Variants in COL2A1 observed in about 807,000 individuals in gnomAD.
COL2A1 encodes the protein collagen type II alpha 1 chain, also known as collagen alpha-1(II) chain.
In COL2A1, 28 loss-of-function variants were observed where a neutral mutation model predicts 204.5. That is an observed-to-expected ratio of 0.14 (90% CI 0.10 to 0.19). COL2A1 has a LOEUF of 0.19. COL2A1 is among the 10% of genes least tolerant of loss of function. The pLI, the probability that COL2A1 is intolerant of heterozygous loss-of-function variation, is 1.00. For missense variants in COL2A1, 1,388 were observed against 2,027.5 expected (o/e 0.68, Z 6.06); for synonymous variants, 708 against 718.7 (o/e 0.99, Z 0.24).
At chr12:48,005,118 C>T (rs1369247225), upstream of COL2A1, among the ~76,000 whole-genome samples, 1 of 152,258 alleles carries the variant, frequency 6.6e-6, no homozygotes, top group African/African-American at 2.4e-5. Context: ...GCCCTCCACC[C>T]CTCCCCCATC....
In COL2A1 at chr12:47,980,684, G is replaced by A; in HGVS notation, c.2518-23C>T. ...ACCCTATAATGGGAAGGAGGAAGCA[G>A]GTGAATGAGGGGCAGGCTAAAACCC... On this transcript the variant is annotated intron_variant, in intron 38 of 53. Transcript: ENST00000380518. The surrounding 1 kb of genome is among the most constrained non-coding windows in gnomAD (Gnocchi z 4.5). 6.3e-7 allele frequency: 1 copy of A among 1,596,842 alleles called. No individual in the cohort carries two copies. Among genetic ancestry groups the A allele is most frequent in the Non-Finnish European group, 8.5e-7 (1 of 1,169,722 alleles).
chr12:47,982,689 G>A (rs1048394112), intron 33 of COL2A1, 80 bp from the exon 34 acceptor site: 3 of 1,298,494 alleles, frequency 2.3e-6, no homozygotes, highest in Admixed American at 1.8e-5. Context: ...GGGTAACCAG[G>A]GCCCCAAACC....
chr12:47,984,667 G>A, intron 27 of COL2A1, 68 bp from the exon 28 acceptor site: 1 of 1,452,096 alleles, frequency 6.9e-7, no homozygotes, highest in Non-Finnish European at 9.7e-7. Flanking sequence ...AGAGCGGGCT[G>A]CAGGGACTGA....
chr12:48,004,646 C>A (rs954588304), upstream of COL2A1: 1 of 232,162 alleles, frequency 4.3e-6, no homozygotes, highest in African/African-American at 2.3e-5. Flanking sequence ...AAGCCGGACC[C>A]CCCTCTCTGG....
intron 1 of COL2A1, chr12:48,002,580 AGCTCT>A (rs1940282528): frequency 6.6e-6 from 1 of 152,160 alleles, no homozygotes; most frequent in Admixed American, 6.5e-5. Context: ...GCGATGAGAG[AGCTCT>A]ACCGCCTAAT....
At chr12:47,979,669 C>G (rs73297165) in intron 40 of COL2A1, 105 bp from the exon 41 acceptor site, 1 of 918,060 alleles carries the variant, frequency 1.1e-6, no homozygotes, top group Non-Finnish European at 1.8e-6. Context: ...ATGGAAAGGG[C>G]GAGGGACTGC....
At chr12:47,981,020 T>A (rs1428967577) in intron 37 of COL2A1, 52 bp from the exon 38 acceptor site, 2 of 1,522,436 alleles carry the variant, frequency 1.3e-6, no homozygotes, top group Non-Finnish European at 1.8e-6. Flanking sequence ...CCTGACCTGC[T>A]TCTGCTCCCC....
intron 33 of COL2A1, 94 bp from the exon 34 acceptor site, chr12:47,982,703 C>T: frequency 8.1e-7 from 1 of 1,237,586 alleles, no homozygotes; most frequent in South Asian, 1.2e-5. Flanking sequence ...CCAAACCCCT[C>T]TTCCTTCCCT....
At chr12:47,982,986 T>TG in intron 32 of COL2A1, 40 bp from the exon 33 acceptor site, 2 of 1,606,902 alleles carry the variant, frequency 1.2e-6, no homozygotes, top group Non-Finnish European at 1.7e-6. Context: ...CCAACAGCAG[T>TG]GGGGGAGAAG....
At position 47,974,313 on chromosome 12, in the gene COL2A1, T is replaced by C; in HGVS notation, c.4093A>G (p.Asn1365Asp). 1 of 1,614,058 alleles carries C rather than the reference T, an allele frequency of 6.2e-7. No homozygotes were observed. Among genetic ancestry groups the C allele is most frequent in the Non-Finnish European group, 8.5e-7 (1 of 1,180,002 alleles). ...ACGTTGGCAGTGTTGGGAGCCAGAT[T>C]GTCATCTCCATAGCTGAACTGTTGG... ...GGFHFSYGDD[N>D]LAPNTANVQM... The change falls in exon 53 of 54, where the codon AAT (asparagine) becomes GAT (aspartate). Residue 1365 changes from asparagine to aspartate, a missense_variant. Around this residue, in one of 3 missense-constraint regions of COL2A1, gnomAD observed 303 missense variants for 369.2 expected, o/e 0.82. Transcript: ENST00000380518.
chr12:47,993,332 T>G, intron 15 of COL2A1, 126 bp downstream of exon 15: 1 of 813,320 alleles, frequency 1.2e-6, no homozygotes. Context: ...TACATTTTGC[T>G]TTTTGCTCAC....
chr12:47,983,680 T>C lies in COL2A1; in HGVS notation c.1995+3A>G. 1 of 1,598,160 alleles carries C rather than the reference T, an allele frequency of 6.3e-7. No homozygotes were observed. Among genetic ancestry groups the C allele is most frequent in the Non-Finnish European group, 8.5e-7 (1 of 1,172,324 alleles). On this transcript the variant is annotated splice_donor_region_variant and intron_variant, in intron 30 of 53. Transcript: ENST00000380518. ...GCACAGAGAGCCTGGTCCAGCCACC[T>C]ACCTGGAACCCAGATGGCCCAGGAG...
At position 47,984,173 on chromosome 12, in the gene COL2A1, A is replaced by G. The variant is rs557531678; in HGVS notation, c.1888-33T>C. 141 of 1,602,322 alleles carry G rather than the reference A, an allele frequency of 8.8e-5. 2 individuals carry two copies. In the South Asian group the frequency reaches 1.5e-3, roughly 17 times the overall value. ...GAAGAGAAAAAGAAAAGTCAATGAC[A>G]CGCTTTTCTTCCCACTTGCAGTCCC... On this transcript the variant is annotated intron_variant, in intron 28 of 53. Coordinates refer to ENST00000380518, the MANE Select transcript of COL2A1 (RefSeq NM_001844.5).
Position 47,978,144 on chromosome 12 carries a change from A to G in COL2A1, c.3004-27T>C. The G allele has an allele frequency of 6.2e-7, 1 of 1,604,642 alleles. No homozygotes were observed. Among genetic ancestry groups the G allele is most frequent in the South Asian group, 1.1e-5 (1 of 89,942 alleles). Reference sequence around the variant, plus strand: ...TGGAGGGACAGAGACAAGGATGATGAGTGCAAGTGGTAAGCACCCCTGCCC... The same window carrying G: ...TGGAGGGACAGAGACAAGGATGATGGGTGCAAGTGGTAAGCACCCCTGCCC... On this transcript the variant is annotated intron_variant, in intron 43 of 53. Coordinates refer to ENST00000380518, the MANE Select transcript of COL2A1 (RefSeq NM_001844.5). This position sits in a 1 kb window ranked among gnomAD's most constrained non-coding sequence, Gnocchi z 5.5.
intron 2 of COL2A1, 148 bp from the exon 3 acceptor site, chr12:47,998,579 C>G (rs867951729): frequency 1.2e-5 from 10 of 816,702 alleles, no homozygotes; most frequent in Middle Eastern, 2.3e-4. Context: ...CACTGAACCC[C>G]TCTGTTGGGG....
chr12:48,001,484 G>C (rs1199711544), intron 1 of COL2A1, among the ~76,000 whole-genome samples: 1 of 152,194 alleles, frequency 6.6e-6, no homozygotes, highest in African/African-American at 2.4e-5. Flanking sequence ...TGGGAGAGGG[G>C]GCATCGGTTA....
At chr12:47,999,634 ATTTTTTT>A (rs10708850) in intron 2 of COL2A1, 5 of 156,274 alleles carry the variant, frequency 3.2e-5, no homozygotes, top group Non-Finnish European at 5.7e-5. Flanking sequence ...TTCAGAGAGG[ATTTTTTT>A]TTTTTTTTTT....
intron 11 of COL2A1, 93 bp downstream of exon 11, chr12:47,995,162 C>G (rs1394439151): frequency 1.8e-6 from 2 of 1,088,144 alleles, no homozygotes; most frequent in African/African-American, 3.1e-5. Context: ...ATACCTCCAC[C>G]CTGGGTGCCT....
chr12:47,992,806 G>T, intron 16 of COL2A1, 72 bp downstream of exon 16: 2 of 1,520,714 alleles, frequency 1.3e-6, no homozygotes, highest in Non-Finnish European at 9.1e-7. Context: ...TGTTTCGAGG[G>T]TCAAGAGAAA....
Sources: gnomAD v4.1 joint callset for allele counts (sites outside exome capture counted in the v4.1 genomes callset) on GRCh38, gnomAD v4.1.1 for gene constraint, gnomAD v4.1.1 regional missense constraint, Gnocchi (gnomAD v3.1) non-coding constraint, MANE v1.5 for transcripts, NCBI Gene and HGNC (gene_info 2026-07-23, HGNC 2026-07-21) for gene names.